Variants in FOXP2 observed in about 807,000 individuals in gnomAD.
FOXP2 encodes forkhead box protein P2.
A neutral mutation model predicts 115.8 loss-of-function variants in FOXP2; 12 were observed. The observed-to-expected ratio is 0.10, with a 90% CI of 0.07 to 0.17. The LOEUF (loss-of-function observed/expected upper bound fraction) is 0.17, where lower values mean the gene tolerates loss of function less well. FOXP2 is among the 10% of genes least tolerant of loss of function. FOXP2 has a pLI of 1.00. For synonymous variants in FOXP2, 328 were observed against 297.7 expected, an observed-to-expected ratio of 1.10 and a Z score of -1.05; for missense variants, 629 against 843.5, an observed-to-expected ratio of 0.75 and a Z score of 3.15.
intron 1 of FOXP2, among the ~76,000 whole-genome samples, chr7:114,244,625 T>C (rs1414274993): frequency 6.6e-6 from 1 of 152,240 alleles, no homozygotes; most frequent in Non-Finnish European, 1.5e-5. Context: ...ATTATATCTT[T>C]ATACCTATTT....
At chr7:114,631,281 A>G (rs554139364) in intron 5 of FOXP2, among the ~76,000 whole-genome samples, 1 of 152,196 alleles carries the variant, frequency 6.6e-6, no homozygotes, top group African/African-American at 2.4e-5. Context: ...CCTTTATTAC[A>G]TACTATCTCT....
chr7:114,681,861 G>T (rs1808098505), intron 16 of FOXP2, among the ~76,000 whole-genome samples: 1 of 151,988 alleles, frequency 6.6e-6, no homozygotes, highest in Admixed American at 6.5e-5. Flanking sequence ...TGACTTTTTT[G>T]ATACAGTAAT....
At chr7:114,235,716 C>A (rs1279352098) in intron 1 of FOXP2, among the ~76,000 whole-genome samples, 1 of 152,126 alleles carries the variant, frequency 6.6e-6, no homozygotes, top group Non-Finnish European at 1.5e-5. Flanking sequence ...TTTGGTTAAG[C>A]CTCCAATTTT....
chr7:114,274,747 C>T (rs1009073930), intron 1 of FOXP2, among the ~76,000 whole-genome samples: 2 of 150,998 alleles, frequency 1.3e-5, no homozygotes, highest in African/African-American at 4.9e-5. Context: ...ACCCAGGTAG[C>T]TGGGACTGCA....
intron 2 of FOXP2, among the ~76,000 whole-genome samples, chr7:114,467,509 A>C (rs1295759967): frequency 6.6e-6 from 1 of 152,126 alleles, no homozygotes. Context: ...ACAAAGTCCA[A>C]CTGTGATTTA....
intron 2 of FOXP2, among the ~76,000 whole-genome samples, chr7:114,383,388 A>C (rs986572566): frequency 1.3e-5 from 2 of 152,014 alleles, no homozygotes; most frequent in African/African-American, 4.8e-5. Flanking sequence ...CCATTTGTTT[A>C]TCTCCTTTTG....
chr7:114,469,294 A>G (rs727644), intron 2 of FOXP2, among the ~76,000 whole-genome samples: 96,532 of 151,966 alleles, frequency 0.64, 31,713 homozygotes, highest in African/African-American at 0.8. Flanking sequence ...ATCCTATGTC[A>G]TATACAATAT....
rs367805900 is a variant in FOXP2, at chr7:114,676,525, G to A, written c.2003+12089G>A. On this transcript the variant is annotated intron_variant, in intron 16 of 16. Coordinates refer to ENST00000350908, the MANE Select transcript of FOXP2 (RefSeq NM_014491.4). ...ATCAGAGTCCTAACACTGTTTGTGA[G>A]GATAGCTTTTTGAATGTTCTCTGGG... Among the ~76,000 whole-genome samples the A allele has an allele frequency of 7.7e-4, 118 of 152,264 alleles. 1 individual carries two copies. The highest frequency in any genetic ancestry group is 3.9e-3 in the South Asian group (19 of 4,824).
Position 114,102,703 on chromosome 7 carries a change from C to T in FOXP2, c.-247+14865C>T, listed in dbSNP as rs866149108. On this transcript the variant is annotated intron_variant, in intron 1 of 19. Coordinates refer to the FOXP2 transcript ENST00000635638. ...ACATACAAACACCACACACCACACA[C>T]ACACACACACACACACACACACACA... Among the ~76,000 whole-genome samples, 40 of 148,716 alleles carry T rather than the reference C, an allele frequency of 2.7e-4. 1 individual carries two copies. Among genetic ancestry groups the T allele is most frequent in the Middle Eastern group, 3.4e-3 (1 of 294 alleles).
At chr7:114,520,780 T>C (rs1050100868) in intron 2 of FOXP2, among the ~76,000 whole-genome samples, 1 of 152,084 alleles carries the variant, frequency 6.6e-6, no homozygotes, top group Non-Finnish European at 1.5e-5. Flanking sequence ...AGAATGATAA[T>C]GTATACTATG....
At position 114,629,861 on chromosome 7, in the gene FOXP2, G is replaced by GCAGCAGCAGCAGCAA. The variant is rs769531286; in HGVS notation, c.471_485dup (p.Gln187_Gln191dup). The GCAGCAGCAGCAGCAA allele has an allele frequency of 5.6e-6, 9 of 1,611,376 alleles. No homozygotes were observed. The highest frequency in any genetic ancestry group is 2.7e-5 in the African/African-American group (2 of 74,194). Reference sequence around the variant, plus strand: ...AAGAGCAGTTACATCTTCAGCTTTTGCAGCAGCAGCAGCAACAGCAGCAGC... The same window carrying GCAGCAGCAGCAGCAA: ...AAGAGCAGTTACATCTTCAGCTTTTGCAGCAGCAGCAGCAACAGCAGCAGCAGCAACAGCAGCAGC... On this transcript the variant is annotated inframe_insertion, in exon 5 of 17. Coordinates refer to ENST00000350908, the MANE Select transcript of FOXP2 (RefSeq NM_014491.4).
chr7:114,293,638 C>G (rs1203761234), intron 2 of FOXP2, among the ~76,000 whole-genome samples: 1 of 152,174 alleles, frequency 6.6e-6, no homozygotes, highest in East Asian at 1.9e-4. Flanking sequence ...GGCAGTTCCC[C>G]CATCCTGTTC....
At chr7:114,573,135 G>T (rs1801404032) in intron 3 of FOXP2, among the ~76,000 whole-genome samples, 1 of 151,802 alleles carries the variant, frequency 6.6e-6, no homozygotes, top group Admixed American at 6.6e-5. Flanking sequence ...TCTCTGTAGT[G>T]TGCCAATTTC....
chr7:114,487,356 G>T (rs917686991), intron 2 of FOXP2, among the ~76,000 whole-genome samples: 1 of 152,120 alleles, frequency 6.6e-6, no homozygotes, highest in African/African-American at 2.4e-5. Flanking sequence ...GCACACAGCA[G>T]GGGGGCCCTG....
intron 1 of FOXP2, among the ~76,000 whole-genome samples, chr7:114,249,794 T>C (rs941667037): frequency 6.6e-6 from 1 of 151,876 alleles, no homozygotes; most frequent in African/African-American, 2.4e-5. Context: ...TTTTTTTTTG[T>C]TTTTTTGTTT....
At chr7:114,598,094 C>T (rs1221042208) in intron 3 of FOXP2, among the ~76,000 whole-genome samples, 2 of 151,650 alleles carry the variant, frequency 1.3e-5, no homozygotes, top group African/African-American at 4.8e-5. Context: ...AAATTTTTGC[C>T]TTCTATAATG....
At chr7:114,434,961 C>G (rs566361000) in intron 2 of FOXP2, among the ~76,000 whole-genome samples, 1 of 152,202 alleles carries the variant, frequency 6.6e-6, no homozygotes, top group Admixed American at 6.6e-5. Flanking sequence ...CCCAACCATC[C>G]TCCTTGTTAT....
At chr7:114,495,666 C>T (rs939710492) in intron 2 of FOXP2, among the ~76,000 whole-genome samples, 4 of 151,552 alleles carry the variant, frequency 2.6e-5, no homozygotes, top group Non-Finnish European at 5.9e-5. Flanking sequence ...CCACCATGCT[C>T]CGCTATTTTT....
chr7:114,123,256 G>A (rs1453607058), intron 1 of FOXP2, among the ~76,000 whole-genome samples: 5 of 151,104 alleles, frequency 3.3e-5, no homozygotes, highest in Admixed American at 6.6e-5. Context: ...GGGAGCCTGA[G>A]GCAGAAGGAT....
Sources: allele counts gnomAD v4.1 joint callset (sites outside exome capture counted in the v4.1 genomes callset), GRCh38; gene constraint gnomAD v4.1.1; transcripts MANE v1.5; gene names NCBI Gene and HGNC (gene_info 2026-07-23, HGNC 2026-07-21).